DNAH9: variants seen among roughly 807,000 people sequenced by gnomAD.
DNAH9 encodes dynein axonemal heavy chain 9.
Under a neutral mutation model 471.6 loss-of-function variants are expected in DNAH9, and 345 were observed. The ratio of observed to expected loss-of-function variants is 0.73; its 90% CI spans 0.67 to 0.80. The LOEUF is 0.80. Among genes scored for constraint, DNAH9 ranks in the 30% least tolerant of loss-of-function variants. The pLI is 0.00. For synonymous variants in DNAH9, 2,093 were observed against 2,123.6 expected, an observed-to-expected ratio of 0.99 and a Z score of 0.40; for missense variants, 5,407 against 5,609.2, an observed-to-expected ratio of 0.96 and a Z score of 1.15.
At chr17:11,818,877 C>T (rs891842607) in intron 45 of DNAH9, among the ~76,000 whole-genome samples, 10 of 132,442 alleles carry the variant, frequency 7.6e-5, no homozygotes, top group Non-Finnish European at 1.5e-4. Context: ...AGTCTGTCTC[C>T]ATTATTACTA....
In DNAH9 at chr17:11,758,156, A is replaced by G. The variant is rs1487812434; in HGVS notation, c.6995+464A>G. ...TGTTCACGGCCCAGATAATGTGGGT[A>G]TAATGTACCATCTGACAGTCCTGCC... On this transcript the variant is annotated intron_variant, in intron 35 of 68. Coordinates refer to ENST00000262442, the MANE Select transcript of DNAH9 (RefSeq NM_001372.4). Among the ~76,000 whole-genome samples the G allele has an allele frequency of 2.0e-5, 3 of 152,152 alleles. No homozygotes were observed. In the South Asian group the frequency reaches 6.2e-4, roughly 32 times the overall value.
At chr17:11,916,443 G>C (rs1385376091) in intron 61 of DNAH9, among the ~76,000 whole-genome samples, 1 of 152,156 alleles carries the variant, frequency 6.6e-6, no homozygotes, top group Non-Finnish European at 1.5e-5. Context: ...TTGGTGCTTT[G>C]ATTTATTTTC....
rs371988201 is a variant in DNAH9, at chr17:11,945,409, C to T, written c.12843+2924C>T. Among the ~76,000 whole-genome samples the T allele has an allele frequency of 2.7e-3, 413 of 151,730 alleles. 4 individuals are homozygous for T. Among genetic ancestry groups the T allele is most frequent in the Middle Eastern group, 0.017 (5 of 294 alleles). On this transcript the variant is annotated intron_variant, in intron 67 of 68. Coordinates refer to ENST00000262442, the MANE Select transcript of DNAH9 (RefSeq NM_001372.4). ...AAAATAAGCCAGGCGTGGTGGCGGG[C>T]GCCTGTAATCCCAGCTACTACGGAG...
At chr17:11,860,665 G>A (rs533506828) in intron 50 of DNAH9, among the ~76,000 whole-genome samples, 5 of 152,174 alleles carry the variant, frequency 3.3e-5, no homozygotes, top group South Asian at 2.1e-4. Flanking sequence ...GGGTTCAAGC[G>A]ATTCTCCTGC....
intron 46 of DNAH9, 116 bp downstream of exon 46, chr17:11,822,178 G>A: frequency 8.0e-7 from 1 of 1,257,062 alleles, no homozygotes. Flanking sequence ...TGGTGAGTGT[G>A]CGGCACCCTT....
intron 1 of DNAH9, among the ~76,000 whole-genome samples, chr17:11,600,749 T>G (rs983711408): frequency 6.6e-6 from 1 of 152,202 alleles, no homozygotes; most frequent in African/African-American, 2.4e-5. Context: ...CCCAAAGTGC[T>G]GGGATTACAG....
chr17:11,956,279 T>G (rs12451020), intron 67 of DNAH9, among the ~76,000 whole-genome samples: 79,924 of 151,862 alleles, frequency 0.53, 21,559 homozygotes, highest in Middle Eastern at 0.6. Context: ...AAGTCAATTT[T>G]TCAAGAGGAT....
At chr17:11,658,574 T>C (rs577608700) in intron 14 of DNAH9, among the ~76,000 whole-genome samples, 1 of 152,248 alleles carries the variant, frequency 6.6e-6, no homozygotes, top group East Asian at 1.9e-4. Context: ...AATGCTCGCC[T>C]CATTTCCAAT....
Position 11,617,544 on chromosome 17 carries a change from G to A in DNAH9, c.1038G>A (p.Trp346Ter), listed in dbSNP as rs1207050293. 6.2e-7 allele frequency: 1 copy of A among 1,614,078 alleles called. No homozygotes were observed. The highest frequency in any genetic ancestry group is 8.5e-7 in the Non-Finnish European group (1 of 1,180,014). The change falls in exon 5 of 69, where the codon TGG (tryptophan) becomes TGA (stop). Residue 346 changes from tryptophan to a stop codon, truncating the protein, a stop_gained. Coordinates refer to ENST00000262442, the MANE Select transcript of DNAH9 (RefSeq NM_001372.4). LOFTEE classifies it high-confidence loss of function. Reference protein sequence around the residue: ...RPLLHVVCLIWATCKSYRSPG... With the variant: ...RPLLHVVCLI ...TGCTCCACGTGGTCTGTCTGATTTG[G>A]GCCACATGCAAGTCCTACCGCTCCC...
At chr17:11,926,867 C>A (rs1275859253) in intron 62 of DNAH9, among the ~76,000 whole-genome samples, 1 of 152,202 alleles carries the variant, frequency 6.6e-6, no homozygotes, top group Admixed American at 6.5e-5. Context: ...AATTTACACT[C>A]CCACCAACAG....
chr17:11,904,782 TC>T (rs1201468649), intron 60 of DNAH9, among the ~76,000 whole-genome samples: 5 of 152,038 alleles, frequency 3.3e-5, no homozygotes, highest in African/African-American at 1.2e-4. Flanking sequence ...AAAATAGTGT[TC>T]CTGGGGGAGA....
Position 11,664,860 on chromosome 17 carries a change from C to T in DNAH9, c.2623C>T (p.Pro875Ser). 1 of 1,612,814 alleles carries T rather than the reference C, an allele frequency of 6.2e-7. No homozygotes were observed. Among genetic ancestry groups the T allele is most frequent in the Non-Finnish European group, 8.5e-7 (1 of 1,179,188 alleles). Reference sequence around the variant, plus strand: ...AAACCTGGGTCTATTTTCAGCAGACCCAACCTCCAATATCTGGAAGACTTA... The same window carrying T: ...AAACCTGGGTCTATTTTCAGCAGACTCAACCTCCAATATCTGGAAGACTTA... ...QENLGLFSADPTSNIWKTYVN... is the reference protein window; with the variant it reads ...QENLGLFSADSTSNIWKTYVN... The change falls in exon 15 of 69, where the codon CCA becomes TCA. Residue 875 changes from proline to serine, a missense_variant. This residue lies in a region of DNAH9 where 4,636 missense variants were observed against 4,900.3 expected (regional missense o/e 0.95). Transcript: ENST00000262442.
chr17:11,809,847 G>A (rs542644381), intron 44 of DNAH9, among the ~76,000 whole-genome samples: 15 of 152,166 alleles, frequency 9.9e-5, no homozygotes, highest in Middle Eastern at 3.4e-3. Context: ...ACACTTGTAT[G>A]AGTCTTATAT....
Position 11,739,298 on chromosome 17 carries a change from C to T in DNAH9, c.5972+261C>T, listed in dbSNP as rs189183707. Reference sequence around the variant, plus strand: ...ACATAGTTTCGTGTTGTTTTTATTTCGTAGTCTCTCATAATCATATCCTAA... The same window carrying T: ...ACATAGTTTCGTGTTGTTTTTATTTTGTAGTCTCTCATAATCATATCCTAA... On this transcript the variant is annotated intron_variant, in intron 29 of 68. Transcript: ENST00000262442. Among the ~76,000 whole-genome samples the T allele has an allele frequency of 7.3e-4, 111 of 152,208 alleles. 1 individual carries two copies. The highest frequency in any genetic ancestry group is 2.6e-3 in the African/African-American group (109 of 41,526).
chr17:11,701,326 G>A (rs2074591286), intron 24 of DNAH9, 79 bp downstream of exon 24: 3 of 1,505,552 alleles, frequency 2.0e-6, no homozygotes, highest in Non-Finnish European at 2.7e-6. Context: ...TCAGCAGCTG[G>A]TAGATATCAG....
chr17:11,878,788 C>G (rs1187332729), intron 53 of DNAH9, among the ~76,000 whole-genome samples: 1 of 152,122 alleles, frequency 6.6e-6, no homozygotes, highest in Non-Finnish European at 1.5e-5. Context: ...CTCCTGGTCT[C>G]AATCTCCTGG....
intron 15 of DNAH9, among the ~76,000 whole-genome samples, chr17:11,667,358 G>A (rs1357442005): frequency 1.3e-5 from 2 of 151,848 alleles, no homozygotes; most frequent in Non-Finnish European, 2.9e-5. Context: ...CTTTGTTATT[G>A]GTAAACTTGT....
chr17:11,745,064 G>T lies in DNAH9; in HGVS notation c.6379G>T (p.Glu2127Ter). Residue 2127 changes from glutamate to a stop codon, truncating the protein, a stop_gained, in exon 31 of 69, where the codon GAG becomes TAG. Transcript: ENST00000262442. LOFTEE classifies it high-confidence loss of function. ...GATAGTGGATCTGAAGCTCCAGGCTGAGGACAACTTTGTGCTCAAGGTACA... is the reference window on the plus strand; with the variant it reads ...GATAGTGGATCTGAAGCTCCAGGCTTAGGACAACTTTGTGCTCAAGGTACA... The part of the protein sequence containing the change: ...KAIVDLKLQA[E>*]DNFVLKVVQL... 1 of 1,613,418 alleles carries T rather than the reference G, an allele frequency of 6.2e-7. No individual in the cohort carries two copies. The highest frequency in any genetic ancestry group is 8.5e-7 in the Non-Finnish European group (1 of 1,179,478).
At chr17:11,797,829 C>T in intron 43 of DNAH9, 36 bp downstream of exon 43, 1 of 1,585,970 alleles carries the variant, frequency 6.3e-7, no homozygotes. Context: ...TCCTCAGTTG[C>T]TTCCTCTTCC....
Sources: gnomAD v4.1 joint callset for allele counts (sites outside exome capture counted in the v4.1 genomes callset) on GRCh38, gnomAD v4.1.1 for gene constraint, gnomAD v4.1.1 regional missense constraint, MANE v1.5 for transcripts, NCBI Gene and HGNC (gene_info 2026-07-23, HGNC 2026-07-21) for gene names.